The following RNF175 variants were observed in gnomAD, a reference collection of about 807,000 sequenced individuals.
The protein encoded by RNF175 is ring finger protein 175.
In RNF175, 38 loss-of-function variants were observed where a neutral mutation model predicts 50.0. The observed-to-expected ratio is 0.76, with a 90% CI of 0.59 to 1.00. The LOEUF (loss-of-function observed/expected upper bound fraction) is 1.00. Among genes scored for constraint, RNF175 ranks in the 50% least tolerant of loss-of-function variants. RNF175 has a pLI of 0.00. For synonymous variants in RNF175, 155 were observed against 146.1 expected, an observed-to-expected ratio of 1.06 and a Z score of -0.44; for missense variants, 388 against 409.6, an observed-to-expected ratio of 0.95 and a Z score of 0.46.
At chr4:153,744,046 A>G (rs1739830927) in intron 3 of RNF175, among the ~76,000 whole-genome samples, 1 of 152,188 alleles carries the variant, frequency 6.6e-6, no homozygotes, top group South Asian at 2.1e-4. Flanking sequence ...GTGCAGTGAC[A>G]CACACCCTCC....
intron 1 of RNF175, among the ~76,000 whole-genome samples, chr4:153,755,571 A>AT (rs760704136): frequency 1.3e-4 from 14 of 107,056 alleles, no homozygotes; most frequent in African/African-American, 2.1e-4. Context: ...CTCAGAAAGA[A>AT]TTTAAAAAAA....
At chr4:153,747,867 T>C (rs1315197576) in intron 3 of RNF175, among the ~76,000 whole-genome samples, 1 of 152,240 alleles carries the variant, frequency 6.6e-6, no homozygotes, top group Non-Finnish European at 1.5e-5. Context: ...TACCACAGAC[T>C]GGGTAATAAA....
intron 1 of RNF175, among the ~76,000 whole-genome samples, chr4:153,753,596 C>T (rs10032475): frequency 0.32 from 47,553 of 150,302 alleles, 8,422 homozygotes; most frequent in East Asian, 0.81. Flanking sequence ...TTGCTTTTGT[C>T]GCCCAGGCTA....
intron 3 of RNF175, chr4:153,748,334 GCCAGATAATTTTT>G: frequency 4.2e-6 from 1 of 237,168 alleles, no homozygotes; most frequent in Non-Finnish European, 8.1e-6. Flanking sequence ...GACATTTTAG[GCCAGATAATTTTT>G]GTTGTGGGGA....
At chr4:153,758,765 T>A (rs1236629402) in intron 1 of RNF175, among the ~76,000 whole-genome samples, 1 of 150,968 alleles carries the variant, frequency 6.6e-6, no homozygotes, top group Non-Finnish European at 1.5e-5. Flanking sequence ...TGGCCATCCA[T>A]CCCAATATTA....
chr4:153,748,972 C>G, intron 2 of RNF175, 186 bp from the exon 3 acceptor site: 1 of 579,832 alleles, frequency 1.7e-6, no homozygotes, highest in Non-Finnish European at 2.9e-6. Flanking sequence ...TTGGTTTCTT[C>G]CCTTTCCCTA....
intron 3 of RNF175, among the ~76,000 whole-genome samples, chr4:153,745,311 T>G (rs1473099962): frequency 6.6e-6 from 1 of 152,194 alleles, no homozygotes; most frequent in East Asian, 1.9e-4. Context: ...CCCGGGAACT[T>G]GATTTAACAA....
chr4:153,751,494 G>A lies in RNF175; in HGVS notation c.67-19C>T, dbSNP rs767955026. ...GAGAGAGCTGAAAAACATAAAAAGG[G>A]CCCTTATCAAAAAATGTCCTTATTT... On this transcript the variant is annotated intron_variant, in intron 1 of 8. Coordinates refer to ENST00000347063, the MANE Select transcript of RNF175 (RefSeq NM_173662.4). 1.1e-5 allele frequency: 17 copies of A among 1,544,956 alleles called. No homozygotes were observed. In the Middle Eastern group the frequency reaches 5.0e-4, roughly 46 times the overall value.
Position 153,712,550 on chromosome 4 carries a change from C to T in RNF175, c.791G>A (p.Trp264Ter). 21 of 1,612,666 alleles carry T rather than the reference C, an allele frequency of 1.3e-5. No homozygotes were observed. Among genetic ancestry groups the T allele is most frequent in the Non-Finnish European group, 1.8e-5 (21 of 1,178,934 alleles). Residue 264 changes from tryptophan (W) to a stop codon, truncating the protein, a stop_gained, in exon 8 of 9, where the codon TGG becomes TAG. Transcript: ENST00000347063. LOFTEE classifies it high-confidence loss of function. ...HVFHEFCIRG[W>*]CIVGKKQTCP... ...AGTCTGCTTTTTCCCAACGATACACCAACCTCGGATGCAGAATTCATGAAA... is the reference window on the plus strand; with the variant it reads ...AGTCTGCTTTTTCCCAACGATACACTAACCTCGGATGCAGAATTCATGAAA...
At position 153,712,495 on chromosome 4, in the gene RNF175, C is replaced by A. The variant is rs748444339; in HGVS notation, c.846G>T (p.Leu282Phe). 3.1e-6 allele frequency: 5 copies of A among 1,604,940 alleles called. No homozygotes were observed. In the Admixed American group the frequency reaches 8.4e-5, roughly 27 times the overall value. ...GATATGGATTACTGATCATCCTCTTCAAATCAACTTTCTCTTTGCAGTAAG... is the reference window on the plus strand; with the variant it reads ...GATATGGATTACTGATCATCCTCTTAAAATCAACTTTCTCTTTGCAGTAAG... The part of the protein sequence containing the change: ...TCPYCKEKVD[L>F]KRMISNPWER... The change falls in exon 8 of 9, where the codon TTG (leucine) becomes TTT (phenylalanine). Residue 282 changes from leucine to phenylalanine, a missense_variant. Coordinates refer to ENST00000347063, the MANE Select transcript of RNF175 (RefSeq NM_173662.4).
chr4:153,715,785 C>T lies in RNF175; in HGVS notation c.631-123G>A, dbSNP rs370422665. 4.8e-5 allele frequency: 47 copies of T among 987,704 alleles called. 2 individuals carry two copies. The highest frequency in any genetic ancestry group is 2.6e-4 in the Admixed American group (10 of 38,582). The allele number at this position is 987,704 out of a possible 1,614,324, so 61.2% of individuals were successfully genotyped here. A position where few individuals can be genotyped will look rare whatever the true frequency, so the allele number is the denominator to read the frequency against. Reference sequence around the variant, plus strand: ...TGGCACATAGAATCTCCACTGCGGCCGGGCATGGTGGCTCATGCCTGTAAT... The same window carrying T: ...TGGCACATAGAATCTCCACTGCGGCTGGGCATGGTGGCTCATGCCTGTAAT... On this transcript the variant is annotated intron_variant, in intron 6 of 8. Transcript: ENST00000347063.
At chr4:153,715,769 G>A in intron 6 of RNF175, 107 bp from the exon 7 acceptor site, 2 of 1,194,518 alleles carry the variant, frequency 1.7e-6, no homozygotes, top group Non-Finnish European at 2.3e-6. Flanking sequence ...TTGGCACATA[G>A]AATCTCCACT....
At chr4:153,725,668 A>T (rs1303162636) in intron 4 of RNF175, among the ~76,000 whole-genome samples, 1 of 152,216 alleles carries the variant, frequency 6.6e-6, no homozygotes, top group Non-Finnish European at 1.5e-5. Flanking sequence ...CTTACTGCCC[A>T]TGGGACTTTG....
intron 3 of RNF175, among the ~76,000 whole-genome samples, chr4:153,730,187 G>A (rs1385487685): frequency 6.6e-6 from 1 of 152,190 alleles, no homozygotes; most frequent in Non-Finnish European, 1.5e-5. Context: ...GCTCATGCCT[G>A]TAATCCCAGC....
chr4:153,751,522 T>G, intron 1 of RNF175, 47 bp from the exon 2 acceptor site: 1 of 1,445,106 alleles, frequency 6.9e-7, no homozygotes, highest in South Asian at 1.3e-5. Flanking sequence ...CCTTATTTTC[T>G]TGGTTTTTCT....
intron 6 of RNF175, among the ~76,000 whole-genome samples, chr4:153,718,230 G>GTTTTTTTTTTTTT (rs1272804247): frequency 5.0e-4 from 16 of 31,862 alleles, no homozygotes; most frequent in East Asian, 4.7e-3. Context: ...TTGTTTGTTT[G>GTTTTTTTTTTTTT]TTTGTTTGTT....
chr4:153,719,235 T>C (rs1738173406), intron 6 of RNF175, among the ~76,000 whole-genome samples: 1 of 152,220 alleles, frequency 6.6e-6, no homozygotes, highest in South Asian at 2.1e-4. Flanking sequence ...GTTAGTTTGC[T>C]GAGGATAATG....
At chr4:153,730,849 T>G (rs146808255) in intron 3 of RNF175, among the ~76,000 whole-genome samples, 1 of 152,356 alleles carries the variant, frequency 6.6e-6, no homozygotes, top group Non-Finnish European at 1.5e-5. Context: ...TGGACTATAT[T>G]TTAATAAAAC....
rs776727148 is a variant in RNF175 at position 153,712,543 on chromosome 4, G to T, written c.798C>A (p.Ile266=). 4.3e-6 allele frequency: 7 copies of T among 1,612,954 alleles called. No homozygotes were observed. Among genetic ancestry groups the T allele is most frequent in the Non-Finnish European group, 5.9e-6 (7 of 1,179,198 alleles). ...FHEFCIRGWC[I]VGKKQTCPYC... is the part of the protein sequence containing the mutation. ...AAGGGCAAGTCTGCTTTTTCCCAAC[G>T]ATACACCAACCTCGGATGCAGAATT... Residue 266 remains isoleucine, a synonymous_variant, in exon 8 of 9, where the codon ATC becomes ATA. Transcript: ENST00000347063.
Sources: allele counts gnomAD v4.1 joint callset (sites outside exome capture counted in the v4.1 genomes callset), GRCh38; gene constraint gnomAD v4.1.1; transcripts MANE v1.5; gene names NCBI Gene and HGNC (gene_info 2026-07-23, HGNC 2026-07-21).